Variants in SPATA21 observed in about 807,000 individuals in gnomAD.
SPATA21 encodes spermatogenesis-associated protein 21.
Under a neutral mutation model 54.8 loss-of-function variants are expected in SPATA21, and 47 were observed. That is an observed-to-expected ratio of 0.86 (90% CI 0.68 to 1.09). The LOEUF (loss-of-function observed/expected upper bound fraction) is 1.09. SPATA21 is among the 50% of genes least tolerant of loss of function. The probability of loss-of-function intolerance (pLI) is 0.00; values close to 1 mark genes in which losing one functional copy is unlikely to be tolerated. For synonymous variants in SPATA21, 245 were observed against 235.3 expected (o/e 1.04, Z -0.38); for missense variants, 599 against 596.4 (o/e 1.00, Z -0.05).
At chr1:16,405,191 T>G in intron 7 of SPATA21, 87 bp from the exon 8 acceptor site, 3 of 1,511,648 alleles carry the variant, frequency 2.0e-6, no homozygotes, top group Non-Finnish European at 2.6e-6. Context: ...CCTGCCAGCC[T>G]CCTCCACCAT....
At position 16,429,441 on chromosome 1, in the gene SPATA21, T is replaced by G. The variant is rs189404790; in HGVS notation, c.34+1897A>C. Among the ~76,000 whole-genome samples the G allele has an allele frequency of 5.5e-3, 831 of 152,118 alleles. 4 individuals carry two copies. Among genetic ancestry groups the G allele is most frequent in the African/African-American group, 0.019 (791 of 41,472 alleles). On this transcript the variant is annotated intron_variant, in intron 3 of 12. Coordinates refer to ENST00000335496, the MANE Select transcript of SPATA21 (RefSeq NM_198546.1). Reference sequence around the variant, plus strand: ...CATGGCACCTGGCTGACTTTTTATTTTATTGTATTGTATTTTATTTATTTG... The same window carrying G: ...CATGGCACCTGGCTGACTTTTTATTGTATTGTATTGTATTTTATTTATTTG...
At chr1:16,422,320 TCTTA>T in intron 3 of SPATA21, 1 of 841,672 alleles carries the variant, frequency 1.2e-6, no homozygotes, top group Non-Finnish European at 1.6e-6. Context: ...TCAGGCATCA[TCTTA>T]CTTAATTCTC....
intron 5 of SPATA21, among the ~76,000 whole-genome samples, chr1:16,412,259 C>T (rs1237552952): frequency 6.6e-6 from 1 of 152,044 alleles, no homozygotes; most frequent in Non-Finnish European, 1.5e-5. Context: ...TTTGTCCTTC[C>T]GAATACCAGA....
At position 16,409,295 on chromosome 1, in the gene SPATA21, G is replaced by A. The variant is rs113960689; in HGVS notation, c.588-92C>T. On this transcript the variant is annotated intron_variant, in intron 6 of 12. Transcript: ENST00000335496. The surrounding 1 kb of genome is among the most constrained non-coding windows in gnomAD (Gnocchi z 4.1). Reference sequence around the variant, plus strand: ...GGGTTGGGGGAGCCTGCAGGAGGAGGTCGTGGGGGAGGCTTTGGGGAGCCC... The same window carrying A: ...GGGTTGGGGGAGCCTGCAGGAGGAGATCGTGGGGGAGGCTTTGGGGAGCCC... The A allele has an allele frequency of 3.0e-4, 422 of 1,416,522 alleles. 2 individuals carry two copies. The African/African-American group carries it at 5.4e-3, about 18-fold the overall frequency. The allele number at this position is 1,416,522 out of a possible 1,614,324, so 87.7% of individuals were successfully genotyped here.
At chr1:16,399,621 C>G (rs1160753666) in intron 11 of SPATA21, 100 bp from the exon 12 acceptor site, 11 of 1,380,606 alleles carry the variant, frequency 8.0e-6, no homozygotes, top group Non-Finnish European at 9.7e-6. Flanking sequence ...ACATAATGAC[C>G]TGAGTGGTTT....
downstream of SPATA21, chr1:16,398,596 G>A (rs2085352464): frequency 1.4e-6 from 1 of 701,982 alleles, no homozygotes; most frequent in Non-Finnish European, 2.4e-6. Context: ...GCCCAGTGGT[G>A]GCTGGGTGAC....
In SPATA21 at chr1:16,421,022, A is replaced by G. The variant is rs569150081; in HGVS notation, c.144+487T>C. ...TTGCCAATGAACAGAACAGGATGAG[A>G]CAGGGCAGATGCTGGCAGGGCATGC... On this transcript the variant is annotated intron_variant, in intron 5 of 12. Transcript: ENST00000335496. This position sits in a 1 kb window ranked among gnomAD's most constrained non-coding sequence, Gnocchi z 5.2. 3.8e-3 allele frequency among the ~76,000 whole-genome samples: 575 copies of G among 152,262 alleles called. 1 individual carries two copies. Among genetic ancestry groups the G allele is most frequent in the Non-Finnish European group, 4.7e-3 (321 of 68,022 alleles).
intron 3 of SPATA21, among the ~76,000 whole-genome samples, chr1:16,427,312 CT>C (rs1402319186): frequency 6.6e-6 from 1 of 152,052 alleles, no homozygotes; most frequent in Non-Finnish European, 1.5e-5. Flanking sequence ...GTAGAGGAGG[CT>C]ATTTAGGAGC....
intron 10 of SPATA21, among the ~76,000 whole-genome samples, chr1:16,401,450 C>T (rs893454536): frequency 6.6e-6 from 1 of 152,126 alleles, no homozygotes; most frequent in African/African-American, 2.4e-5. Flanking sequence ...CACCAACCAC[C>T]ACACCCAGCT....
chr1:16,408,869 C>CAAA (rs141121121), intron 7 of SPATA21, among the ~76,000 whole-genome samples: 2 of 118,152 alleles, frequency 1.7e-5, no homozygotes, highest in Admixed American at 9.0e-5. Flanking sequence ...GACTCTGTCT[C>CAAA]AAAAAAAAAA....
At chr1:16,415,224 C>T (rs2085967712) in intron 5 of SPATA21, among the ~76,000 whole-genome samples, 1 of 152,160 alleles carries the variant, frequency 6.6e-6, no homozygotes. Context: ...GTACTATCAG[C>T]TACTTGAAGG....
At chr1:16,400,973 A>G in intron 10 of SPATA21, 81 bp from the exon 11 acceptor site, 1 of 1,497,874 alleles carries the variant, frequency 6.7e-7, no homozygotes, top group East Asian at 2.3e-5. Flanking sequence ...CTCTCTGGCC[A>G]GCTCTGGAGC....
intron 5 of SPATA21, among the ~76,000 whole-genome samples, chr1:16,412,397 A>G (rs927061391): frequency 6.6e-6 from 1 of 152,116 alleles, no homozygotes; most frequent in Admixed American, 6.6e-5. Flanking sequence ...CAGGCCCCAG[A>G]CCTAGAGTCC....
chr1:16,424,052 G>C (rs1361291972), intron 3 of SPATA21, among the ~76,000 whole-genome samples: 1 of 151,320 alleles, frequency 6.6e-6, no homozygotes, highest in Non-Finnish European at 1.5e-5. Context: ...TCTTGATTGT[G>C]GGGATGGTTT....
chr1:16,399,950 C>G (rs189202491), intron 11 of SPATA21, among the ~76,000 whole-genome samples: 1 of 152,056 alleles, frequency 6.6e-6, no homozygotes, highest in East Asian at 1.9e-4. Flanking sequence ...ATTTTGGGGT[C>G]AGACCTGGAT....
intron 5 of SPATA21, among the ~76,000 whole-genome samples, chr1:16,415,135 G>C (rs59715737): frequency 1.3e-5 from 2 of 152,080 alleles, no homozygotes; most frequent in East Asian, 3.9e-4. Flanking sequence ...TCAGGAGTTC[G>C]AGAAGAGCCT....
intron 2 of SPATA21, among the ~76,000 whole-genome samples, chr1:16,431,746 C>T (rs969337191): frequency 3.3e-5 from 5 of 152,114 alleles, no homozygotes; most frequent in South Asian, 2.1e-4. Context: ...TCCCCGACGG[C>T]GACATTTCCT....
intron 3 of SPATA21, among the ~76,000 whole-genome samples, chr1:16,426,815 G>A (rs935194196): frequency 1.3e-5 from 2 of 151,616 alleles, no homozygotes; most frequent in Non-Finnish European, 2.9e-5. Flanking sequence ...CCTGACCTCA[G>A]GTAATCCACC....
At chr1:16,416,538 C>T (rs918928804) in intron 5 of SPATA21, among the ~76,000 whole-genome samples, 3 of 152,030 alleles carry the variant, frequency 2.0e-5, no homozygotes, top group South Asian at 2.1e-4. Flanking sequence ...ATTAGCCACA[C>T]GTGGTGGTAT....
Sources: allele counts gnomAD v4.1 joint callset (sites outside exome capture counted in the v4.1 genomes callset), GRCh38; gene constraint gnomAD v4.1.1; non-coding constraint Gnocchi (gnomAD v3.1); transcripts MANE v1.5; gene names NCBI Gene and HGNC (gene_info 2026-07-23, HGNC 2026-07-21).